The following PDCD2L variants were observed in gnomAD, a reference collection of about 807,000 sequenced individuals.
The protein encoded by PDCD2L is programmed cell death 2 like, also known as uS5 assembly chaperone PDCD2L.
PDCD2L carries 44 observed loss-of-function variants against 40.4 expected under a neutral mutation model. That is an observed-to-expected ratio of 1.09 (90% confidence interval 0.86 to 1.40). The LOEUF (loss-of-function observed/expected upper bound fraction) is 1.40, where lower values mean the gene tolerates loss of function less well. Among genes scored for constraint, PDCD2L ranks in the 40% most tolerant of loss-of-function variants. The pLI is 0.00. For synonymous variants in PDCD2L, 194 were observed against 174.6 expected (o/e 1.11, Z -0.88); for missense variants, 470 against 453.7 (o/e 1.04, Z -0.33).
chr19:34,417,853 TAATGA>T (rs764978975), intron 5 of PDCD2L, among the ~76,000 whole-genome samples: 23 of 152,348 alleles, frequency 1.5e-4, no homozygotes, highest in Non-Finnish European at 3.1e-4. Flanking sequence ...AATTTTTCCT[TAATGA>T]AATAAGAACT....
At chr19:34,421,385 C>T in intron 5 of PDCD2L, 134 bp from the exon 6 acceptor site, 1 of 955,914 alleles carries the variant, frequency 1.0e-6, no homozygotes, top group African/African-American at 1.6e-5. Flanking sequence ...CTATGCTTTA[C>T]AGCCATGGTG....
intron 5 of PDCD2L, among the ~76,000 whole-genome samples, chr19:34,415,527 G>A (rs751525438): frequency 2.5e-4 from 38 of 152,214 alleles, no homozygotes; most frequent in South Asian, 1.0e-3. Flanking sequence ...TACCCAGCAG[G>A]TATAATTTAT....
intron 3 of PDCD2L, among the ~76,000 whole-genome samples, chr19:34,405,500 T>G (rs901343017): frequency 6.6e-6 from 1 of 151,976 alleles, no homozygotes; most frequent in African/African-American, 2.4e-5. Context: ...TTATTTTTAT[T>G]TTCTAACTCC....
intron 5 of PDCD2L, among the ~76,000 whole-genome samples, chr19:34,418,135 A>G (rs2075133924): frequency 1.3e-5 from 2 of 152,234 alleles, no homozygotes; most frequent in African/African-American, 4.8e-5. Flanking sequence ...TTATTGAGAT[A>G]CAATTGACAT....
Position 34,425,977 on chromosome 19 carries a change from T to C in PDCD2L, c.947-13T>C. 1 of 1,608,174 alleles carries C rather than the reference T, an allele frequency of 6.2e-7. No homozygotes were observed. The stretch of plus-strand genomic sequence containing the variant: ...TCTTTTTGCTGGAAGCCTGAATATG[T>C]GGTATTTTTCAGGTCTTTCTGTGGA... On this transcript the variant is annotated splice_polypyrimidine_tract_variant and intron_variant, in intron 6 of 6. Coordinates refer to ENST00000246535, the MANE Select transcript of PDCD2L (RefSeq NM_032346.2).
chr19:34,405,680 C>T (rs2075071470), intron 3 of PDCD2L, among the ~76,000 whole-genome samples: 1 of 150,806 alleles, frequency 6.6e-6, no homozygotes, highest in African/African-American at 2.4e-5. Context: ...GCGGGCGGAT[C>T]TCCTGAGGTC....
chr19:34,419,014 A>G (rs2075137163), intron 5 of PDCD2L, among the ~76,000 whole-genome samples: 1 of 152,086 alleles, frequency 6.6e-6, no homozygotes, highest in African/African-American at 2.4e-5. Context: ...TCCTTTTTCA[A>G]TTTAATTTTT....
intron 3 of PDCD2L, among the ~76,000 whole-genome samples, chr19:34,407,322 A>G (rs911796895): frequency 6.6e-6 from 1 of 151,844 alleles, no homozygotes. Context: ...TTGTATTTTT[A>G]GTAGAGATGG....
At chr19:34,406,870 T>C (rs2075078872) in intron 3 of PDCD2L, among the ~76,000 whole-genome samples, 1 of 150,146 alleles carries the variant, frequency 6.7e-6, no homozygotes, top group Admixed American at 6.6e-5. Context: ...TTCGCTCTTG[T>C]TGCCCATGCT....
rs767147956 is a variant in PDCD2L, at chr19:34,421,622, C to T, written c.901C>T (p.Gln301Ter). The T allele has an allele frequency of 6.2e-7, 1 of 1,614,138 alleles. No individual in the cohort carries two copies. Among genetic ancestry groups the T allele is most frequent in the Admixed American group, 1.7e-5 (1 of 60,006 alleles). Reference protein sequence around the residue: ...QCGGQRIFEFQLMPALVSMLK... With the variant: ...QCGGQRIFEF ...TGGAGGCCAAAGGATATTTGAGTTT[C>T]AGCTTATGCCAGCACTGGTCAGCAT... Residue 301 changes from glutamine (Q) to a stop codon, truncating the protein, a stop_gained, in exon 6 of 7, where the codon CAG becomes TAG. Transcript: ENST00000246535. LOFTEE classifies it high-confidence loss of function.
At chr19:34,413,419 T>C (rs1452806207) in intron 4 of PDCD2L, among the ~76,000 whole-genome samples, 1 of 150,220 alleles carries the variant, frequency 6.7e-6, no homozygotes, top group East Asian at 2.0e-4. Flanking sequence ...CACTGCAACT[T>C]CCGCTTCCCG....
intron 4 of PDCD2L, among the ~76,000 whole-genome samples, chr19:34,411,984 A>ATATATATATAT (rs71165653): frequency 6.9e-6 from 1 of 145,022 alleles, no homozygotes; most frequent in Non-Finnish European, 1.5e-5. Flanking sequence ...ATATATATAT[A>ATATATATATAT]AAATAAATAA....
intron 4 of PDCD2L, among the ~76,000 whole-genome samples, chr19:34,412,071 G>A (rs188931227): frequency 0.011 from 1,702 of 151,202 alleles, 16 homozygotes; most frequent in Middle Eastern, 0.021. Flanking sequence ...CCAGGCTGGA[G>A]TACAGTGGCT....
chr19:34,404,459 TG>T lies in PDCD2L; in HGVS notation c.32del (p.Gly11AlafsTer146). On this transcript the variant is annotated frameshift_variant, in exon 1 of 7. Transcript: ENST00000246535. LOFTEE classifies it high-confidence loss of function. MAAVLKPVLLGLRDAPVHGS... is the reference protein window; with the variant it reads MAAVLKPVLXGLRDAPVHGS... The stretch of plus-strand genomic sequence containing the variant: ...GCGGCCGTTCTGAAGCCGGTGCTGC[TG>T]GGCCTTCGAGATGCGCCGGTGCACG... 1 of 1,545,050 alleles carries T rather than the reference TG, an allele frequency of 6.5e-7. No individual in the cohort carries two copies. The highest frequency in any genetic ancestry group is 8.7e-7 in the Non-Finnish European group (1 of 1,146,238).
At chr19:34,421,704 C>T in intron 6 of PDCD2L, 37 bp downstream of exon 6, 1 of 1,543,564 alleles carries the variant, frequency 6.5e-7, no homozygotes, top group Non-Finnish European at 8.8e-7. Context: ...TTGTGGATTT[C>T]TGGCATTATT....
At chr19:34,421,815 T>A in intron 6 of PDCD2L, 148 bp downstream of exon 6, 3 of 1,065,474 alleles carry the variant, frequency 2.8e-6, no homozygotes, top group Non-Finnish European at 3.9e-6. Flanking sequence ...TTAGGCCAGG[T>A]GTGGTGGCTC....
intron 6 of PDCD2L, among the ~76,000 whole-genome samples, chr19:34,425,264 C>T (rs1401509839): frequency 6.8e-6 from 1 of 147,172 alleles, no homozygotes; most frequent in African/African-American, 2.5e-5. Flanking sequence ...TATCCTTTCT[C>T]GGCAGTAGTG....
In PDCD2L at chr19:34,415,167, C is replaced by G. The variant is rs185002351; in HGVS notation, c.797+1320C>G. ...ATGGAGTCTCGCCCTGCCACCCAGG[C>G]TGGAGTGCAGTGACGTGATCCTGGC... On this transcript the variant is annotated intron_variant, in intron 5 of 6. Coordinates refer to ENST00000246535, the MANE Select transcript of PDCD2L (RefSeq NM_032346.2). 6.3e-3 allele frequency among the ~76,000 whole-genome samples: 958 copies of G among 152,228 alleles called. 10 individuals are homozygous for G. Among genetic ancestry groups the G allele is most frequent in the Non-Finnish European group, 8.6e-3 (583 of 68,022 alleles).
chr19:34,421,805 T>G, intron 6 of PDCD2L, 138 bp downstream of exon 6: 1 of 1,168,482 alleles, frequency 8.6e-7, no homozygotes, highest in Non-Finnish European at 1.2e-6. Flanking sequence ...TTTAAGAAAT[T>G]TAGGCCAGGT....
Sources: allele counts gnomAD v4.1 joint callset (sites outside exome capture counted in the v4.1 genomes callset), GRCh38; gene constraint gnomAD v4.1.1; transcripts MANE v1.5; gene names NCBI Gene and HGNC (gene_info 2026-07-23, HGNC 2026-07-21).